CDH4: variants seen among roughly 807,000 people sequenced by gnomAD.
CDH4 encodes the protein cadherin-4.
Under a neutral mutation model 86.0 loss-of-function variants are expected in CDH4, and 33 were observed. The ratio of observed to expected loss-of-function variants is 0.38; its 90% CI spans 0.29 to 0.51. CDH4 has a LOEUF of 0.51. Ranked by LOEUF, CDH4 falls within the 20% of genes least tolerant of loss-of-function variation. CDH4 has a pLI of 0.86. For synonymous variants in CDH4, 555 were observed against 549.4 expected, an observed-to-expected ratio of 1.01 and a Z score of -0.14; for missense variants, 1,114 against 1,307.4, an observed-to-expected ratio of 0.85 and a Z score of 2.28.
At chr20:61,453,976 C>A (rs1175652757) in intron 2 of CDH4, among the ~76,000 whole-genome samples, 3 of 152,188 alleles carry the variant, frequency 2.0e-5, no homozygotes, top group Non-Finnish European at 4.4e-5. Context: ...GGTTTGCTTC[C>A]CCTTCTGCCA....
intron 2 of CDH4, among the ~76,000 whole-genome samples, chr20:61,294,588 C>T (rs972953174): frequency 2.0e-5 from 3 of 152,218 alleles, no homozygotes; most frequent in Non-Finnish European, 4.4e-5. Context: ...TGGTTCATTC[C>T]ACTGTGGGAC....
chr20:61,322,488 G>A (rs2084514255), intron 2 of CDH4, among the ~76,000 whole-genome samples: 2 of 152,138 alleles, frequency 1.3e-5, no homozygotes, highest in African/African-American at 4.8e-5. Flanking sequence ...AAGATTCTCT[G>A]TCTCCCTTTA....
chr20:61,639,643 C>CG (rs1279083017), intron 2 of CDH4, among the ~76,000 whole-genome samples: 1 of 152,178 alleles, frequency 6.6e-6, no homozygotes, highest in Non-Finnish European at 1.5e-5. Flanking sequence ...TGCCTGCACA[C>CG]GGGCCCTGAC....
intron 2 of CDH4, among the ~76,000 whole-genome samples, chr20:61,696,542 C>A (rs1356725097): frequency 6.6e-6 from 1 of 152,222 alleles, no homozygotes; most frequent in African/African-American, 2.4e-5. Flanking sequence ...ACAACATGGT[C>A]CTTAAGACGG....
chr20:61,622,919 C>G (rs924295602), intron 2 of CDH4, among the ~76,000 whole-genome samples: 2 of 152,142 alleles, frequency 1.3e-5, no homozygotes, highest in Non-Finnish European at 2.9e-5. Context: ...AGTTTAAGAG[C>G]CTCGCAGTCA....
intron 2 of CDH4, among the ~76,000 whole-genome samples, chr20:61,568,306 A>C (rs2086315495): frequency 6.6e-6 from 1 of 152,300 alleles, no homozygotes; most frequent in South Asian, 2.1e-4. Flanking sequence ...TTCTCATGAT[A>C]GTAAGTTCTC....
intron 2 of CDH4, among the ~76,000 whole-genome samples, chr20:61,408,460 C>T (rs1043383972): frequency 7.2e-5 from 11 of 152,148 alleles, no homozygotes; most frequent in African/African-American, 2.4e-4. Flanking sequence ...AGACCGTAAC[C>T]GTAGACTCAG....
chr20:61,331,630 GCCCC>G (rs2123263723), intron 2 of CDH4, among the ~76,000 whole-genome samples: 1 of 96,992 alleles, frequency 1.0e-5, no homozygotes, highest in East Asian at 3.0e-4. Flanking sequence ...CCCACCTCCT[GCCCC>G]AGACCCACCT....
At chr20:61,705,510 CA>C in intron 2 of CDH4, among the ~76,000 whole-genome samples, 1 of 152,378 alleles carries the variant, frequency 6.6e-6, no homozygotes. Context: ...CAGTGTCTTT[CA>C]ATCTCAGAGT....
chr20:61,835,417 AT>A (rs1981825547), intron 4 of CDH4, among the ~76,000 whole-genome samples: 3 of 152,300 alleles, frequency 2.0e-5, no homozygotes, highest in African/African-American at 7.2e-5. Context: ...TAGGATGACA[AT>A]TCCACTGGGT....
At chr20:61,339,454 C>T (rs1355038676) in intron 2 of CDH4, among the ~76,000 whole-genome samples, 1 of 148,176 alleles carries the variant, frequency 6.7e-6, no homozygotes, top group Non-Finnish European at 1.5e-5. Context: ...TGCACATGTG[C>T]GTGCATGTGT....
At chr20:61,691,056 G>T (rs183812498) in intron 2 of CDH4, among the ~76,000 whole-genome samples, 1 of 152,274 alleles carries the variant, frequency 6.6e-6, no homozygotes, top group East Asian at 1.9e-4. Context: ...TTTTCCTTCT[G>T]AGAGTGATGC....
intron 2 of CDH4, chr20:61,719,011 G>T (rs189955198): frequency 1.5e-5 from 7 of 471,216 alleles, no homozygotes; most frequent in Admixed American, 7.0e-5. Flanking sequence ...TCAGCATCAC[G>T]AGTGGCTCTA....
At chr20:61,612,499 C>T (rs1014791020) in intron 2 of CDH4, among the ~76,000 whole-genome samples, 10 of 152,166 alleles carry the variant, frequency 6.6e-5, no homozygotes, top group Middle Eastern at 3.4e-3. Flanking sequence ...ATGAGGGTGC[C>T]ATATGCATGC....
At chr20:61,920,480 C>A (rs1411828944) in intron 9 of CDH4, among the ~76,000 whole-genome samples, 1 of 144,734 alleles carries the variant, frequency 6.9e-6, no homozygotes, top group African/African-American at 2.6e-5. Context: ...CGCAGTGTCA[C>A]GGTGATTGTG....
chr20:61,570,783 A>G (rs1474372127), intron 2 of CDH4: 1 of 702,216 alleles, frequency 1.4e-6, no homozygotes, highest in Non-Finnish European at 2.6e-6. Flanking sequence ...ATGCCACTGT[A>G]ATAAATGCTA....
intron 2 of CDH4, among the ~76,000 whole-genome samples, chr20:61,362,616 G>A (rs1448475208): frequency 1.3e-5 from 2 of 152,092 alleles, no homozygotes; most frequent in Non-Finnish European, 2.9e-5. Context: ...GAAGTGAAGG[G>A]AAGTGGTGAG....
rs199908722 is a variant in CDH4 at position 61,934,130 on chromosome 20, C to T, written c.2454C>T (p.Arg818=). The change falls in exon 15 of 16, where the codon CGC becomes CGT. Residue 818 remains arginine, a synonymous_variant. Transcript: ENST00000614565. ...CAAGCAAAGCCCCTGGCGTGCGTCG[C>T]GTGGATGAGCGGCCGGTGGGCGCTG... ...HVPSKAPGVR[R]VDERPVGAEP... is the part of the protein sequence containing the mutation. The T allele has an allele frequency of 7.4e-6, 12 of 1,611,070 alleles. No homozygotes were observed. Among genetic ancestry groups the T allele is most frequent in the African/African-American group, 4.0e-5 (3 of 75,016 alleles).
intron 2 of CDH4, among the ~76,000 whole-genome samples, chr20:61,263,214 T>TA (rs1043735044): frequency 1.3e-5 from 2 of 152,188 alleles, no homozygotes; most frequent in Non-Finnish European, 2.9e-5. Flanking sequence ...GCTGGGCTGG[T>TA]AAAATCCTTG....
Sources: gnomAD v4.1 joint callset for allele counts (sites outside exome capture counted in the v4.1 genomes callset) on GRCh38, gnomAD v4.1.1 for gene constraint, MANE v1.5 for transcripts, NCBI Gene and HGNC (gene_info 2026-07-23, HGNC 2026-07-21) for gene names.